ZFAND3: variants seen among roughly 807,000 people sequenced by gnomAD.
The protein encoded by ZFAND3 is zinc finger AN1-type containing 3, also known as AN1-type zinc finger protein 3.
ZFAND3 carries 10 observed loss-of-function variants against 29.6 expected under a neutral mutation model. The observed-to-expected ratio is 0.34, with a 90% CI of 0.21 to 0.57. The LOEUF (loss-of-function observed/expected upper bound fraction) is 0.57, where lower values mean the gene tolerates loss of function less well. ZFAND3 is among the 20% of genes least tolerant of loss of function. ZFAND3 has a pLI of 0.86. For missense variants in ZFAND3, 230 were observed against 304.5 expected (o/e 0.76, Z 1.82); for synonymous variants, 128 against 112.6 (o/e 1.14, Z -0.87).
intron 1 of ZFAND3, among the ~76,000 whole-genome samples, chr6:37,922,601 A>T (rs929053232): frequency 4.6e-5 from 7 of 152,208 alleles, no homozygotes; most frequent in African/African-American, 1.7e-4. Flanking sequence ...TGAACATCAT[A>T]GAGTGTCCTT....
chr6:38,139,466 T>C (rs574437170), intron 5 of ZFAND3, among the ~76,000 whole-genome samples: 5 of 152,142 alleles, frequency 3.3e-5, no homozygotes, highest in Non-Finnish European at 5.9e-5. Context: ...AGCATCCAAC[T>C]GGGCCCTAAC....
intron 5 of ZFAND3, among the ~76,000 whole-genome samples, chr6:38,136,264 T>G (rs1302740819): frequency 6.6e-6 from 1 of 152,240 alleles, no homozygotes; most frequent in East Asian, 1.9e-4. Context: ...GTACAGTGCC[T>G]GTGACACAGT....
At chr6:38,149,426 A>AAC (rs1554184449) in intron 5 of ZFAND3, among the ~76,000 whole-genome samples, 6 of 151,764 alleles carry the variant, frequency 4.0e-5, no homozygotes, top group Non-Finnish European at 8.8e-5. Flanking sequence ...AAAAAAAAAA[A>AAC]AAACCTAAGC....
At chr6:37,985,713 G>T (rs779738648) in intron 2 of ZFAND3, among the ~76,000 whole-genome samples, 40 of 152,282 alleles carry the variant, frequency 2.6e-4, no homozygotes, top group Non-Finnish European at 5.4e-4. Flanking sequence ...GTTTAGGTTG[G>T]TGTTATTACT....
intron 2 of ZFAND3, among the ~76,000 whole-genome samples, chr6:37,961,627 C>T (rs1407606508): frequency 6.6e-6 from 1 of 152,250 alleles, no homozygotes; most frequent in Non-Finnish European, 1.5e-5. Context: ...TTGTGTCAGT[C>T]CATCCCCATC....
chr6:38,052,731 T>C (rs1231220224), intron 2 of ZFAND3, among the ~76,000 whole-genome samples: 1 of 152,090 alleles, frequency 6.6e-6, no homozygotes, highest in East Asian at 1.9e-4. Context: ...CCACGTGTCA[T>C]GATTAAAGCA....
At position 37,819,732 on chromosome 6, in the gene ZFAND3, C is replaced by A; in HGVS notation, c.-214C>A. 4.9e-6 allele frequency: 1 copy of A among 206,006 alleles called. No homozygotes were observed. The highest frequency in any genetic ancestry group is 1.6e-4 in the South Asian group (1 of 6,102). 12.8% of individuals were successfully genotyped at this position (206,006 alleles called of 1,614,324 possible). A position where few individuals can be genotyped will look rare whatever the true frequency, so the allele number is the denominator to read the frequency against. On this transcript the variant is annotated 5_prime_UTR_variant, in exon 1 of 6. Transcript: ENST00000287218. Reference sequence around the variant, plus strand: ...TCTCCGCGCCTCTCCGCCCCCTCCCCGTCTCCGCAGGCCGAGTGGTGCGGC... The same window carrying A: ...TCTCCGCGCCTCTCCGCCCCCTCCCAGTCTCCGCAGGCCGAGTGGTGCGGC...
intron 2 of ZFAND3, among the ~76,000 whole-genome samples, chr6:37,993,397 G>C (rs1032308026): frequency 6.6e-6 from 1 of 151,574 alleles, no homozygotes; most frequent in South Asian, 2.1e-4. Context: ...CGTGATCTCA[G>C]CTCACTGCAA....
At chr6:38,002,319 A>T (rs1282149385) in intron 2 of ZFAND3, among the ~76,000 whole-genome samples, 1 of 149,704 alleles carries the variant, frequency 6.7e-6, no homozygotes, top group African/African-American at 2.5e-5. Context: ...ACAGTTTAAC[A>T]TCAAATGTTT....
At chr6:37,957,260 A>G (rs748992840) in intron 2 of ZFAND3, among the ~76,000 whole-genome samples, 1 of 152,070 alleles carries the variant, frequency 6.6e-6, no homozygotes, top group Admixed American at 6.5e-5. Context: ...TCTAGTTGAA[A>G]CATTTTACCA....
chr6:37,822,417 A>G (rs1435165781), intron 1 of ZFAND3, among the ~76,000 whole-genome samples: 1 of 152,254 alleles, frequency 6.6e-6, no homozygotes, highest in Non-Finnish European at 1.5e-5. Context: ...ATACCAAAGC[A>G]TAGCAACATT....
At chr6:38,028,587 C>G (rs1763492147) in intron 2 of ZFAND3, among the ~76,000 whole-genome samples, 1 of 152,088 alleles carries the variant, frequency 6.6e-6, no homozygotes, top group African/African-American at 2.4e-5. Flanking sequence ...TTGATTAGAT[C>G]CAGGGGTAGT....
intron 2 of ZFAND3, among the ~76,000 whole-genome samples, chr6:38,060,704 G>T (rs574169189): frequency 6.6e-6 from 1 of 152,232 alleles, no homozygotes; most frequent in East Asian, 1.9e-4. Flanking sequence ...TCCCGCCTCA[G>T]TCTTCAAAAA....
At chr6:37,999,029 G>A (rs1762899866) in intron 2 of ZFAND3, among the ~76,000 whole-genome samples, 1 of 152,210 alleles carries the variant, frequency 6.6e-6, no homozygotes, top group Admixed American at 6.5e-5. Flanking sequence ...AAGCAACCAG[G>A]GCTCTTGGAG....
At chr6:38,118,288 TC>T (rs1042377162) in intron 5 of ZFAND3, among the ~76,000 whole-genome samples, 4 of 152,216 alleles carry the variant, frequency 2.6e-5, no homozygotes, top group Non-Finnish European at 4.4e-5. Context: ...AACTCTGGGC[TC>T]TGCTGGCTAA....
chr6:37,977,548 A>G (rs373530957), intron 2 of ZFAND3, among the ~76,000 whole-genome samples: 1 of 151,956 alleles, frequency 6.6e-6, no homozygotes, highest in Non-Finnish European at 1.5e-5. Context: ...AGTGATCCGC[A>G]TGCCTCAGCC....
chr6:37,869,945 T>G (rs1360922614), intron 1 of ZFAND3, among the ~76,000 whole-genome samples: 1 of 152,158 alleles, frequency 6.6e-6, no homozygotes, highest in Non-Finnish European at 1.5e-5. Flanking sequence ...TTTGGTCTTT[T>G]TCTAGTGTCT....
chr6:37,957,903 A>G (rs536647032), intron 2 of ZFAND3, among the ~76,000 whole-genome samples: 6 of 152,180 alleles, frequency 3.9e-5, no homozygotes, highest in Admixed American at 6.5e-5. Context: ...TGTGTGTGAC[A>G]TATAGGGTGT....
intron 1 of ZFAND3, among the ~76,000 whole-genome samples, chr6:37,875,945 A>G (rs1764786097): frequency 1.3e-5 from 2 of 152,076 alleles, no homozygotes; most frequent in African/African-American, 4.8e-5. Flanking sequence ...TGTGGAGATT[A>G]CAGGCCCAGC....
Sources: allele counts gnomAD v4.1 joint callset (sites outside exome capture counted in the v4.1 genomes callset), GRCh38; gene constraint gnomAD v4.1.1; transcripts MANE v1.5; gene names NCBI Gene and HGNC (gene_info 2026-07-23, HGNC 2026-07-21).